MASP2: variants seen among roughly 807,000 people sequenced by gnomAD.
MASP2 encodes MBL associated serine protease 2.
MASP2 carries 49 observed loss-of-function variants against 57.1 expected under a neutral mutation model. That is an observed-to-expected ratio of 0.86 (90% CI 0.68 to 1.09). The LOEUF is 1.09. Among genes scored for constraint, MASP2 ranks in the 50% least tolerant of loss-of-function variants. MASP2 has a pLI of 0.00. For missense variants in MASP2, 900 were observed against 874.8 expected, an observed-to-expected ratio of 1.03 and a Z score of -0.36; for synonymous variants, 379 against 340.8, an observed-to-expected ratio of 1.11 and a Z score of -1.24.
At chr1:11,029,682 C>G (rs960530188) in intron 10 of MASP2, 2 of 107,700 alleles carry the variant, frequency 1.9e-5, no homozygotes, top group African/African-American at 3.4e-5. Context: ...ACTACTGTTG[C>G]CCAGGCTAGA....
In MASP2 at chr1:11,036,541, A is replaced by C. The variant is rs547795328; in HGVS notation, c.1008+1152T>G. Among the ~76,000 whole-genome samples, 107 of 147,666 alleles carry C rather than the reference A, an allele frequency of 7.2e-4. 2 individuals carry two copies. In the East Asian group the frequency reaches 0.011, roughly 15 times the overall value. On this transcript the variant is annotated intron_variant, in intron 7 of 10. Transcript: ENST00000400897. ...AAAAAAAAAAAAAAAAAAAAAACAA[A>C]AAAAAAAGAAACTAAAGAAGTCTGT... is the stretch of plus-strand genomic sequence containing the variant.
In MASP2 at chr1:11,044,466, C is replaced by T. The variant is rs11589970; in HGVS notation, c.545-931G>A. Among the ~76,000 whole-genome samples the T allele has an allele frequency of 4.2e-3, 646 of 152,276 alleles. 5 individuals carry two copies. The highest frequency in any genetic ancestry group is 6.1e-3 in the Non-Finnish European group (417 of 68,018). ...GCCCTATGGGGCAGTGGGAATCACCCCTGGATTTGCGGGGGACCAGATTAC... is the reference window on the plus strand; with the variant it reads ...GCCCTATGGGGCAGTGGGAATCACCTCTGGATTTGCGGGGGACCAGATTAC... On this transcript the variant is annotated intron_variant, in intron 4 of 10. Transcript: ENST00000400897.
At position 11,043,464 on chromosome 1, in the gene MASP2, G is replaced by T. The variant is rs771680406; in HGVS notation, c.616C>A (p.Pro206Thr). ...LSSPEYPRPY[P>T]KLSSCTYSIS... ...CTGTAAGTGCAACTGGAGAGTTTGGGATACGGCCGTGGGTATTCAGGGCTG... is the reference window on the plus strand; with the variant it reads ...CTGTAAGTGCAACTGGAGAGTTTGGTATACGGCCGTGGGTATTCAGGGCTG... The change falls in exon 5 of 11, where the codon CCC (proline) becomes ACC (threonine). Residue 206 changes from proline to threonine, a missense_variant. Pro to Thr is a conservative substitution (Grantham distance 38). Transcript: ENST00000400897. The T allele has an allele frequency of 1.9e-6, 3 of 1,610,610 alleles. No individual in the cohort carries two copies. The African/African-American group carries it at 4.0e-5, about 21-fold the overall frequency.
In MASP2 at chr1:11,044,533, G is replaced by C. The variant is rs376276374; in HGVS notation, c.544+875C>G. Reference sequence around the variant, plus strand: ...CCCAGGGTGTCTCCTCTGTGGGTCAGGCTCCTCCAGGCCAGACCCTGAATG... The same window carrying C: ...CCCAGGGTGTCTCCTCTGTGGGTCACGCTCCTCCAGGCCAGACCCTGAATG... On this transcript the variant is annotated intron_variant, in intron 4 of 10. Coordinates refer to ENST00000400897, the MANE Select transcript of MASP2 (RefSeq NM_006610.4). Among the ~76,000 whole-genome samples, 575 of 152,286 alleles carry C rather than the reference G, an allele frequency of 3.8e-3. 3 individuals carry two copies. Among genetic ancestry groups the C allele is most frequent in the Non-Finnish European group, 6.5e-3 (440 of 68,010 alleles).
At chr1:11,031,381 T>A (rs557929498) in intron 8 of MASP2, among the ~76,000 whole-genome samples, 1 of 150,580 alleles carries the variant, frequency 6.6e-6, no homozygotes, top group Admixed American at 6.6e-5. Flanking sequence ...AAAAAAAAAT[T>A]AGCCAGGCGT....
intron 4 of MASP2, chr1:11,044,766 AC>A: frequency 7.0e-6 from 7 of 994,410 alleles, no homozygotes; most frequent in Non-Finnish European, 9.9e-6. Flanking sequence ...CCGCCTCCCG[AC>A]CCTCCCACCC....
rs561094721 is a variant in MASP2 at position 11,027,300 on chromosome 1, G to A, written c.1646C>T (p.Thr549Met). The change falls in exon 11 of 11, where the codon ACG (threonine) becomes ATG (methionine). Residue 549 changes from threonine to methionine, a missense_variant. Coordinates refer to ENST00000400897, the MANE Select transcript of MASP2 (RefSeq NM_006610.4). The part of the protein sequence containing the change: ...NNKVVINSNI[T>M]PICLPRKEAE... ...TTCTTTTCTTGGCAGACAAATAGGC[G>A]TGATGTTGCTATTGATTACAACTTT... 5.2e-5 allele frequency: 84 copies of A among 1,613,910 alleles called. No homozygotes were observed. The highest frequency in any genetic ancestry group is 6.6e-5 in the Non-Finnish European group (78 of 1,179,870).
At chr1:11,044,273 T>C (rs367810406) in intron 4 of MASP2, among the ~76,000 whole-genome samples, 87 of 152,092 alleles carry the variant, frequency 5.7e-4, no homozygotes, top group African/African-American at 2.1e-3. Flanking sequence ...GAACAGCTGA[T>C]GCTGCTGCCA....
rs542892676 is a variant in MASP2 at position 11,026,674 on chromosome 1, C to A, written c.*211G>T. 3 of 389,928 alleles carry A rather than the reference C, an allele frequency of 7.7e-6. No homozygotes were observed. The highest frequency in any genetic ancestry group is 1.2e-4 in the South Asian group (1 of 8,154). The allele number at this position is 389,928 out of a possible 1,614,324, so 24.2% of individuals were successfully genotyped here. On this transcript the variant is annotated 3_prime_UTR_variant, in exon 11 of 11. Transcript: ENST00000400897. ...GGTGGGCAAAGATGACTGTCACTCT[C>A]GTGGTTTATGTCCCCTTGAGTCAAT...
rs1450333169 is a variant in MASP2 at position 11,045,414 on chromosome 1, AGGTGCGCTTGTTAC to A, written c.524_537del (p.Arg175LeufsTer21). On this transcript the variant is annotated frameshift_variant, in exon 4 of 11. Coordinates refer to ENST00000400897, the MANE Select transcript of MASP2 (RefSeq NM_006610.4). LOFTEE classifies it high-confidence loss of function. ...CCCAGGCAGCCTCCCTCACCTGAGC[AGGTGCGCTTGTTAC>A]GGTGCAGGACGTAGCCTGCGCGGCA... 16 of 1,613,164 alleles carry A rather than the reference AGGTGCGCTTGTTAC, an allele frequency of 9.9e-6. No homozygotes were observed. The highest frequency in any genetic ancestry group is 1.4e-5 in the Non-Finnish European group (16 of 1,179,966).
intron 10 of MASP2, among the ~76,000 whole-genome samples, chr1:11,028,374 G>A (rs1643775834): frequency 6.6e-6 from 1 of 152,150 alleles, no homozygotes; most frequent in African/African-American, 2.4e-5. Context: ...TAGGAAAGCA[G>A]GAACTAAAGT....
In MASP2 at chr1:11,047,123, T is replaced by C; in HGVS notation, c.6-4A>G. ...AAGGCCCAGGAGGGTCAGCAGCCTA[T>C]GGGCAGGGCAGGGGCGGTGAGGGCC... On this transcript the variant is annotated splice_polypyrimidine_tract_variant and splice_region_variant and intron_variant, in intron 1 of 10. Transcript: ENST00000400897. The C allele has an allele frequency of 1.3e-6, 2 of 1,549,526 alleles. No homozygotes were observed. Among genetic ancestry groups the C allele is most frequent in the Non-Finnish European group, 1.7e-6 (2 of 1,146,278 alleles).
intron 7 of MASP2, among the ~76,000 whole-genome samples, chr1:11,035,217 C>A (rs1254620337): frequency 1.3e-5 from 2 of 151,978 alleles, no homozygotes; most frequent in African/African-American, 4.8e-5. Context: ...GCTTTTCACC[C>A]TAATACAAAA....
intron 8 of MASP2, 59 bp from the exon 9 acceptor site, chr1:11,030,941 A>C: frequency 6.4e-7 from 1 of 1,563,626 alleles, no homozygotes; most frequent in Non-Finnish European, 8.7e-7. Context: ...AACTTTCCAA[A>C]GGTCTGGAGA....
At chr1:11,034,786 T>G (rs752089675) in intron 8 of MASP2, 42 bp downstream of exon 8, 1 of 1,364,248 alleles carries the variant, frequency 7.3e-7, no homozygotes, top group Non-Finnish European at 1.0e-6. Context: ...GCAGAGGGAG[T>G]TCCGGGCGGT....
At chr1:11,044,290 G>C (rs1638556537) in intron 4 of MASP2, among the ~76,000 whole-genome samples, 1 of 152,098 alleles carries the variant, frequency 6.6e-6, no homozygotes, top group Non-Finnish European at 1.5e-5. Context: ...GCCACGGGCG[G>C]GGTGTTGGGC....
At chr1:11,045,572 G>C in intron 3 of MASP2, 33 bp from the exon 4 acceptor site, 1 of 1,585,346 alleles carries the variant, frequency 6.3e-7, no homozygotes, top group Non-Finnish European at 8.5e-7. Flanking sequence ...CAGGCCGTCA[G>C]GAGGGAAAGA....
At chr1:11,027,746 C>A in intron 10 of MASP2, 98 bp from the exon 11 acceptor site, 1 of 1,292,164 alleles carries the variant, frequency 7.7e-7, no homozygotes, top group Non-Finnish European at 1.1e-6. Flanking sequence ...TGATGTCAAC[C>A]AAAAATTATA....
intron 6 of MASP2, among the ~76,000 whole-genome samples, chr1:11,039,668 T>C (rs929292097): frequency 6.8e-6 from 1 of 146,238 alleles, no homozygotes; most frequent in Non-Finnish European, 1.5e-5. Flanking sequence ...AATGGATGCA[T>C]GGATGGATGG....
Sources: gnomAD v4.1 joint callset for allele counts (sites outside exome capture counted in the v4.1 genomes callset) on GRCh38, gnomAD v4.1.1 for gene constraint, MANE v1.5 for transcripts, NCBI Gene and HGNC (gene_info 2026-07-23, HGNC 2026-07-21) for gene names.